Variants in RAB27B observed in about 807,000 individuals in gnomAD.
RAB27B encodes RAB27B, member RAS oncogene family.
RAB27B carries 15 observed loss-of-function variants against 24.6 expected under a neutral mutation model. The observed-to-expected ratio is 0.61, with a 90% CI of 0.41 to 0.94. The LOEUF is 0.94. RAB27B is among the 40% of genes least tolerant of loss of function. RAB27B has a pLI of 0.00. For missense variants in RAB27B, 261 were observed against 266.8 expected (o/e 0.98, Z 0.15); for synonymous variants, 105 against 92.5 (o/e 1.14, Z -0.78).
intron 2 of RAB27B, among the ~76,000 whole-genome samples, chr18:54,807,298 C>T (rs147178059): frequency 1.3e-5 from 2 of 152,272 alleles, no homozygotes; most frequent in Non-Finnish European, 2.9e-5. Flanking sequence ...GAGGTATCAC[C>T]ATCACATGCT....
At chr18:54,770,527 A>G (rs532296169) in intron 2 of RAB27B, among the ~76,000 whole-genome samples, 121 of 152,138 alleles carry the variant, frequency 8.0e-4, no homozygotes, top group African/African-American at 2.7e-3. Flanking sequence ...CATTATGGTG[A>G]GTTGTATAAT....
intron 1 of RAB27B, among the ~76,000 whole-genome samples, chr18:54,869,498 T>C (rs947717524): frequency 2.0e-5 from 3 of 152,184 alleles, no homozygotes; most frequent in African/African-American, 4.8e-5. Flanking sequence ...TCACTAGAAA[T>C]TGACCCCACA....
intron 2 of RAB27B, among the ~76,000 whole-genome samples, chr18:54,799,614 A>T (rs1296703539): frequency 1.5e-5 from 1 of 67,526 alleles, no homozygotes; most frequent in Non-Finnish European, 2.6e-5. Context: ...TAATAAAATG[A>T]TTTTTTTTTT....
At chr18:54,727,848 G>T (rs919520299) in intron 2 of RAB27B, among the ~76,000 whole-genome samples, 11 of 152,142 alleles carry the variant, frequency 7.2e-5, no homozygotes, top group Non-Finnish European at 1.0e-4. Flanking sequence ...TTAAAATGCT[G>T]GTGCTCCTTT....
At chr18:54,862,067 A>G (rs1182692629) in intron 1 of RAB27B, among the ~76,000 whole-genome samples, 7 of 152,240 alleles carry the variant, frequency 4.6e-5, no homozygotes, top group African/African-American at 1.7e-4. Context: ...AAGAAAAAAA[A>G]AAAAGCATGA....
intron 2 of RAB27B, among the ~76,000 whole-genome samples, chr18:54,718,336 C>A (rs999664101): frequency 2.0e-5 from 3 of 152,194 alleles, no homozygotes; most frequent in African/African-American, 7.2e-5. Context: ...GTGGTTTCCT[C>A]TTCCAGCCTG....
At chr18:54,855,456 G>A (rs1911745873) in intron 1 of RAB27B, among the ~76,000 whole-genome samples, 1 of 152,118 alleles carries the variant, frequency 6.6e-6, no homozygotes. Context: ...ATCAAAGGGT[G>A]GTGTCCAAGG....
At chr18:54,833,329 C>T (rs556924506) in intron 1 of RAB27B, among the ~76,000 whole-genome samples, 1 of 148,718 alleles carries the variant, frequency 6.7e-6, no homozygotes, top group South Asian at 2.1e-4. Flanking sequence ...GGGGTTCAAG[C>T]GATTCTCCCA....
chr18:54,774,464 A>T (rs1370614717), intron 2 of RAB27B, among the ~76,000 whole-genome samples: 1 of 152,222 alleles, frequency 6.6e-6, no homozygotes, highest in Non-Finnish European at 1.5e-5. Context: ...TTCAGGGTAG[A>T]ACCAGAATCC....
chr18:54,743,915 C>T (rs1910149955), intron 2 of RAB27B, among the ~76,000 whole-genome samples: 1 of 152,128 alleles, frequency 6.6e-6, no homozygotes, highest in African/African-American at 2.4e-5. Context: ...GAAGCACAGA[C>T]CAGTTACAGA....
rs578196975 is a variant in RAB27B, at chr18:54,727,329, CAGAACAGT to C, written c.-20+9192_-20+9199del. 1.9e-3 allele frequency among the ~76,000 whole-genome samples: 296 copies of C among 152,134 alleles called. 1 individual carries two copies. The highest frequency in any genetic ancestry group is 7.0e-3 in the African/African-American group (290 of 41,488). On this transcript the variant is annotated intron_variant, in intron 2 of 4. Transcript: ENST00000586570. ...TGAATGTGTTAAATACAAATTGACA[CAGAACAGT>C]AGAGAGTCAGGTGTATATATAAAAT...
Position 54,783,481 on chromosome 18 carries a change from TTGTG to T in RAB27B, c.-20+65364_-20+65367del, listed in dbSNP as rs34288200. On this transcript the variant is annotated intron_variant, in intron 2 of 4. Transcript: ENST00000586570. ...AATGTTAATTATGAAGCCTATGGCT[TTGTG>T]TGTGTGTGTGTGTGTGTGTGTGTAT... Among the ~76,000 whole-genome samples, 117 of 149,608 alleles carry T rather than the reference TTGTG, an allele frequency of 7.8e-4. 1 individual carries two copies. The highest frequency in any genetic ancestry group is 1.0e-3 in the African/African-American group (41 of 40,772).
intron 1 of RAB27B, among the ~76,000 whole-genome samples, chr18:54,872,092 A>G (rs760091708): frequency 3.9e-5 from 6 of 152,092 alleles, no homozygotes; most frequent in Admixed American, 6.5e-5. Flanking sequence ...ATGCCATGCA[A>G]GTGAGAGGTG....
intron 2 of RAB27B, among the ~76,000 whole-genome samples, chr18:54,766,176 C>T (rs1320743693): frequency 6.6e-6 from 1 of 152,150 alleles, no homozygotes; most frequent in Non-Finnish European, 1.5e-5. Context: ...CTTACCACTT[C>T]ATCATCTTCA....
intron 2 of RAB27B, among the ~76,000 whole-genome samples, chr18:54,788,218 A>G (rs1765912942): frequency 6.6e-6 from 1 of 152,212 alleles, no homozygotes; most frequent in Admixed American, 6.5e-5. Flanking sequence ...CTCTCCAAGC[A>G]TTTTAATATT....
intron 2 of RAB27B, among the ~76,000 whole-genome samples, chr18:54,726,376 A>C (rs1022538982): frequency 2.6e-5 from 4 of 151,486 alleles, no homozygotes; most frequent in Non-Finnish European, 5.9e-5. Flanking sequence ...GTATGACATC[A>C]TTTTTGCTTG....
chr18:54,844,474 G>T (rs573619760), intron 1 of RAB27B, among the ~76,000 whole-genome samples: 4 of 133,032 alleles, frequency 3.0e-5, no homozygotes, highest in African/African-American at 1.2e-4. Flanking sequence ...GCACCATCTC[G>T]TCTCACTGCA....
intron 2 of RAB27B, among the ~76,000 whole-genome samples, chr18:54,786,851 G>A (rs569861831): frequency 7.5e-4 from 114 of 152,282 alleles, no homozygotes; most frequent in Non-Finnish European, 1.1e-3. Context: ...GCTATTAAGC[G>A]ATAAACATGG....
At chr18:54,746,056 A>G (rs1258169502) in intron 2 of RAB27B, among the ~76,000 whole-genome samples, 1 of 152,080 alleles carries the variant, frequency 6.6e-6, no homozygotes, top group Non-Finnish European at 1.5e-5. Context: ...TGGGTGAAGC[A>G]TGCCACAAGA....
Sources: gnomAD v4.1 joint callset for allele counts (sites outside exome capture counted in the v4.1 genomes callset) on GRCh38, gnomAD v4.1.1 for gene constraint, MANE v1.5 for transcripts, NCBI Gene and HGNC (gene_info 2026-07-23, HGNC 2026-07-21) for gene names.